Variants in CD96 observed in about 807,000 individuals in gnomAD.
CD96 encodes the protein T-cell surface protein tactile.
CD96 carries 70 observed loss-of-function variants against 71.3 expected under a neutral mutation model. That is an observed-to-expected ratio of 0.98 (90% confidence interval 0.81 to 1.20). The LOEUF is 1.20. CD96 is among the 50% of genes most tolerant of loss of function. The probability of loss-of-function intolerance (pLI) is 0.00; values close to 1 mark genes in which losing one functional copy is unlikely to be tolerated. For synonymous variants in CD96, 248 were observed against 233.0 expected (o/e 1.06, Z -0.59); for missense variants, 742 against 677.5 (o/e 1.10, Z -1.06).
Position 111,595,177 on chromosome 3 carries a change from A to G in CD96, c.808-2943A>G, listed in dbSNP as rs1196979110. ...TAAATGGAAAATCATATTACATTTAAAAACAGCCCGACTTCTCTCTCCTTT... is the reference window on the plus strand; with the variant it reads ...TAAATGGAAAATCATATTACATTTAGAAACAGCCCGACTTCTCTCTCCTTT... On this transcript the variant is annotated intron_variant, in intron 5 of 13. Transcript: ENST00000352690. 11 of 157,670 alleles carry G rather than the reference A, an allele frequency of 7.0e-5. No homozygotes were observed. In the Admixed American group the frequency reaches 7.2e-4, roughly 10 times the overall value. 9.8% of individuals were successfully genotyped at this position (157,670 alleles called of 1,614,324 possible).
rs1300101374 is a variant in CD96, at chr3:111,650,093, T to C, written c.*287T>C. On this transcript the variant is annotated 3_prime_UTR_variant, in exon 14 of 14. Coordinates refer to ENST00000352690, the MANE Select transcript of CD96 (RefSeq NM_005816.5). Reference sequence around the variant, plus strand: ...TTAGTCTGCCATCTTTAAAAAAAAATACAGTATTTTCATTTAAATTCTCTG... The same window carrying C: ...TTAGTCTGCCATCTTTAAAAAAAAACACAGTATTTTCATTTAAATTCTCTG... 5.0e-6 allele frequency: 2 copies of C among 399,430 alleles called. No individual in the cohort carries two copies. Among genetic ancestry groups the C allele is most frequent in the Non-Finnish European group, 9.5e-6 (2 of 210,830 alleles). 24.7% of individuals were successfully genotyped at this position (399,430 alleles called of 1,614,324 possible).
chr3:111,570,824 G>A, intron 3 of CD96: 1 of 1,613,370 alleles, frequency 6.2e-7, no homozygotes, highest in Non-Finnish European at 8.5e-7. Flanking sequence ...CCGGGATGGG[G>A]GACCCCAGGC....
intron 2 of CD96, among the ~76,000 whole-genome samples, chr3:111,552,692 T>A (rs1040692899): frequency 1.3e-5 from 2 of 152,144 alleles, no homozygotes; most frequent in Admixed American, 1.3e-4. Flanking sequence ...CAAGCCAGAT[T>A]TGGCCCACAG....
chr3:111,600,137 A>G (rs997626277), intron 6 of CD96, among the ~76,000 whole-genome samples: 3 of 152,184 alleles, frequency 2.0e-5, no homozygotes, highest in Admixed American at 6.5e-5. Context: ...AGCATATCCT[A>G]TCCTACACTT....
At chr3:111,587,393 C>G (rs892453520) in intron 5 of CD96, among the ~76,000 whole-genome samples, 6 of 151,842 alleles carry the variant, frequency 4.0e-5, no homozygotes, top group Non-Finnish European at 7.4e-5. Context: ...AGGTGGTGTC[C>G]CATTAGGGAC....
rs1000445525 is a variant in CD96, at chr3:111,553,653, T to C, written c.418+8251T>C. On this transcript the variant is annotated intron_variant, in intron 2 of 13. Transcript: ENST00000352690. Reference sequence around the variant, plus strand: ...TCCTCTCATCAACTTATTATTTATTTGATGTATAGTTTGTATAAGAAAAGC... The same window carrying C: ...TCCTCTCATCAACTTATTATTTATTCGATGTATAGTTTGTATAAGAAAAGC... Among the ~76,000 whole-genome samples, 7 of 152,048 alleles carry C rather than the reference T, an allele frequency of 4.6e-5. 1 individual carries two copies. In the South Asian group the frequency reaches 1.2e-3, roughly 27 times the overall value.
intron 14 of CD96, among the ~76,000 whole-genome samples, chr3:111,661,479 G>T (rs573496346): frequency 5.8e-4 from 88 of 152,306 alleles, no homozygotes; most frequent in African/African-American, 2.0e-3. Flanking sequence ...GAGACAAGGC[G>T]AGTCCCTTCT....
At chr3:111,548,808 T>C (rs980064052) in intron 2 of CD96, among the ~76,000 whole-genome samples, 1 of 152,144 alleles carries the variant, frequency 6.6e-6, no homozygotes, top group African/African-American at 2.4e-5. Context: ...TAAAACATGT[T>C]GTTATCCTGT....
chr3:111,555,224 G>GA (rs1934930497), intron 2 of CD96, among the ~76,000 whole-genome samples: 1 of 15,992 alleles, frequency 6.3e-5, no homozygotes, highest in Non-Finnish European at 1.6e-4. Flanking sequence ...TAAGAGAAAA[G>GA]AAAAGAAAAA....
chr3:111,640,987 T>C (rs1421578734), intron 12 of CD96, among the ~76,000 whole-genome samples: 2 of 152,226 alleles, frequency 1.3e-5, no homozygotes, highest in East Asian at 3.8e-4. Flanking sequence ...AAAGGAGCTC[T>C]AAATCTTGAA....
chr3:111,572,573 T>C (rs1410052892), intron 3 of CD96, among the ~76,000 whole-genome samples: 1 of 152,124 alleles, frequency 6.6e-6, no homozygotes, highest in African/African-American at 2.4e-5. Flanking sequence ...ATATATAATC[T>C]CTTTAGAAAG....
intron 10 of CD96, among the ~76,000 whole-genome samples, chr3:111,636,440 T>C (rs1355058825): frequency 6.6e-6 from 1 of 152,242 alleles, no homozygotes; most frequent in African/African-American, 2.4e-5. Context: ...TTTGTACTGA[T>C]TACAACCGTG....
chr3:111,652,627 T>G (rs574913409), downstream of CD96, among the ~76,000 whole-genome samples: 1 of 152,278 alleles, frequency 6.6e-6, no homozygotes, highest in African/African-American at 2.4e-5. Flanking sequence ...AATTAAGTTC[T>G]GGTCAGCATT....
chr3:111,562,016 C>T (rs1267120170), intron 2 of CD96, among the ~76,000 whole-genome samples: 3 of 152,176 alleles, frequency 2.0e-5, no homozygotes, highest in Non-Finnish European at 4.4e-5. Flanking sequence ...AAAGGGAACT[C>T]CCTGACCCCT....
At chr3:111,616,722 C>T (rs944131931) in intron 8 of CD96, among the ~76,000 whole-genome samples, 4 of 152,154 alleles carry the variant, frequency 2.6e-5, no homozygotes, top group Admixed American at 2.6e-4. Context: ...ACTGGACTAG[C>T]TGCTGTGGGG....
chr3:111,545,441 T>C (rs757884722), intron 2 of CD96, 39 bp downstream of exon 2: 31 of 1,239,468 alleles, frequency 2.5e-5, no homozygotes, highest in Non-Finnish European at 3.6e-5. Flanking sequence ...TTCATTCAGC[T>C]CTCTCTCATT....
chr3:111,582,216 T>C (rs1234086392), intron 4 of CD96, among the ~76,000 whole-genome samples: 1 of 152,214 alleles, frequency 6.6e-6, no homozygotes. Context: ...ATCTTCAGTA[T>C]GCCAAGGTAA....
rs139937578 is a variant in CD96 at position 111,593,841 on chromosome 3, G to C, written c.808-4279G>C. On this transcript the variant is annotated intron_variant, in intron 5 of 13. Transcript: ENST00000352690. Reference sequence around the variant, plus strand: ...GGCCCGTGGGGCCTTGGATCCTGGCGCTGCCCAGCCTGACCATGGCCACTC... The same window carrying C: ...GGCCCGTGGGGCCTTGGATCCTGGCCCTGCCCAGCCTGACCATGGCCACTC... 24 of 1,613,852 alleles carry C rather than the reference G, an allele frequency of 1.5e-5. No individual in the cohort carries two copies. The African/African-American group carries it at 2.8e-4, about 19-fold the overall frequency.
intron 8 of CD96, among the ~76,000 whole-genome samples, chr3:111,619,231 T>C (rs1243231242): frequency 2.7e-5 from 4 of 150,330 alleles, no homozygotes; most frequent in African/African-American, 4.9e-5. Flanking sequence ...TCTAACTTAA[T>C]TGAATTTCCA....
Sources: allele counts gnomAD v4.1 joint callset (sites outside exome capture counted in the v4.1 genomes callset), GRCh38; gene constraint gnomAD v4.1.1; transcripts MANE v1.5; gene names NCBI Gene and HGNC (gene_info 2026-07-23, HGNC 2026-07-21).